The following PIK3CB variants were observed in gnomAD, a reference collection of about 807,000 sequenced individuals.
PIK3CB encodes the protein phosphatidylinositol-4,5-bisphosphate 3-kinase catalytic subunit beta.
Under a neutral mutation model 136.8 loss-of-function variants are expected in PIK3CB, and 39 were observed. The observed-to-expected ratio is 0.29, with a 90% CI of 0.22 to 0.37. The LOEUF (loss-of-function observed/expected upper bound fraction) is 0.37. Ranked by LOEUF, PIK3CB falls within the 10% of genes least tolerant of loss-of-function variation. The pLI is 1.00. For synonymous variants in PIK3CB, 428 were observed against 436.6 expected (o/e 0.98, Z 0.25); for missense variants, 868 against 1,275.4 (o/e 0.68, Z 4.87).
At chr3:138,776,487 G>A (rs769505881) in intron 2 of PIK3CB, among the ~76,000 whole-genome samples, 1 of 151,732 alleles carries the variant, frequency 6.6e-6, no homozygotes, top group Admixed American at 6.6e-5. Context: ...CCAGAAGTTC[G>A]AAACCAGCCT....
chr3:138,701,207 A>T (rs2044244696), intron 12 of PIK3CB, among the ~76,000 whole-genome samples: 1 of 151,522 alleles, frequency 6.6e-6, no homozygotes, highest in Non-Finnish European at 1.5e-5. Context: ...GTCAGTCATT[A>T]AAGATTAAAA....
intron 8 of PIK3CB, among the ~76,000 whole-genome samples, chr3:138,716,186 CACTAGGAATTTATATCTGAACACATG>C (rs1166918792): frequency 6.6e-6 from 1 of 152,112 alleles, no homozygotes; most frequent in African/African-American, 2.4e-5. Context: ...ATCCTCAGGT[CACTAGGAATTTATATCTGAACACATG>C]ACCTAATTCC....
At chr3:138,671,312 A>G (rs2043527721) in intron 19 of PIK3CB, among the ~76,000 whole-genome samples, 1 of 152,218 alleles carries the variant, frequency 6.6e-6, no homozygotes. Context: ...ATATATACAC[A>G]TATGTTTCAT....
At position 138,654,641 on chromosome 3, in the gene PIK3CB, G is replaced by T. The variant is rs1489767891; in HGVS notation, c.*748C>A. On this transcript the variant is annotated 3_prime_UTR_variant, in exon 24 of 24. Transcript: ENST00000674063. Reference sequence around the variant, plus strand: ...GATCACACAGTTACCTAACTGAAAAGTAACTTAGGAAAAAGCTCTGCTTTT... The same window carrying T: ...GATCACACAGTTACCTAACTGAAAATTAACTTAGGAAAAAGCTCTGCTTTT... 4.4e-6 allele frequency: 1 copy of T among 224,832 alleles called. No individual in the cohort carries two copies. The highest frequency in any genetic ancestry group is 8.9e-6 in the Non-Finnish European group (1 of 112,914). The allele number at this position is 224,832 out of a possible 1,614,324, so 13.9% of individuals were successfully genotyped here.
chr3:138,810,433 G>A (rs1186007179), intron 1 of PIK3CB, among the ~76,000 whole-genome samples: 4 of 151,800 alleles, frequency 2.6e-5, no homozygotes, highest in East Asian at 1.9e-4. Flanking sequence ...CATCAACAAC[G>A]ATAATTCATT....
chr3:138,698,823 A>G (rs1007896590), intron 13 of PIK3CB, 84 bp downstream of exon 13: 22 of 759,964 alleles, frequency 2.9e-5, no homozygotes, highest in African/African-American at 5.3e-5. Flanking sequence ...CTATGAAAAT[A>G]TACCTATGAG....
At chr3:138,676,540 C>T (rs973900197) in intron 19 of PIK3CB, among the ~76,000 whole-genome samples, 2 of 152,142 alleles carry the variant, frequency 1.3e-5, no homozygotes, top group African/African-American at 2.4e-5. Flanking sequence ...TAACTGTGTA[C>T]ATTTATCTAT....
chr3:138,820,493 C>CTGTT (rs747473526), intron 1 of PIK3CB, among the ~76,000 whole-genome samples: 6 of 152,008 alleles, frequency 3.9e-5, no homozygotes, highest in Admixed American at 1.3e-4. Flanking sequence ...TTTCTTCATT[C>CTGTT]TGTTTGTTTG....
intron 1 of PIK3CB, chr3:138,826,222 G>A (rs758182519): frequency 1.4e-5 from 20 of 1,465,964 alleles, no homozygotes; most frequent in African/African-American, 2.8e-5. Context: ...TTTGCTGCTC[G>A]TGATATGAAA....
At position 138,657,417 on chromosome 3, in the gene PIK3CB, A is replaced by G. The variant is rs2043210880; in HGVS notation, c.2942+273T>C. On this transcript the variant is annotated intron_variant, in intron 22 of 23. Coordinates refer to ENST00000674063, the MANE Select transcript of PIK3CB (RefSeq NM_006219.3). ...CAGCATCTTCCTATCAACTGTCTTA[A>G]TAGTTTCAGAGAATGTTCTGAAACA... is the stretch of plus-strand genomic sequence containing the variant. 1.2e-5 allele frequency: 4 copies of G among 325,052 alleles called. No individual in the cohort carries two copies. In the South Asian group the frequency reaches 1.6e-4, roughly 13 times the overall value. The allele number at this position is 325,052 out of a possible 1,614,324, so 20.1% of individuals were successfully genotyped here. A position where few individuals can be genotyped will look rare whatever the true frequency, so the allele number is the denominator to read the frequency against.
chr3:138,722,101 A>T (rs189236549), intron 8 of PIK3CB, among the ~76,000 whole-genome samples: 2,587 of 150,462 alleles, frequency 0.017, 48 homozygotes, highest in Non-Finnish European at 0.024. Flanking sequence ...TATTATACAC[A>T]TACCTACTAG....
rs946677157 is a variant in PIK3CB, at chr3:138,653,637, C to G, written c.*1752G>C. 5 of 184,402 alleles carry G rather than the reference C, an allele frequency of 2.7e-5. No homozygotes were observed. The highest frequency in any genetic ancestry group is 1.2e-4 in the African/African-American group (5 of 42,624). 11.4% of individuals were successfully genotyped at this position (184,402 alleles called of 1,614,324 possible). A position where few individuals can be genotyped will look rare whatever the true frequency, so the allele number is the denominator to read the frequency against. ...CCTGGAAGTCTCAGTGAGTCTACACCAGCCCTGGAAATGAGGAATTCAGGG... is the reference window on the plus strand; with the variant it reads ...CCTGGAAGTCTCAGTGAGTCTACACGAGCCCTGGAAATGAGGAATTCAGGG... On this transcript the variant is annotated 3_prime_UTR_variant, in exon 24 of 24. Coordinates refer to ENST00000674063, the MANE Select transcript of PIK3CB (RefSeq NM_006219.3).
intron 12 of PIK3CB, 129 bp from the exon 13 acceptor site, chr3:138,699,224 A>T (rs1009830003): frequency 2.2e-4 from 7 of 31,150 alleles, no homozygotes; most frequent in African/African-American, 5.7e-4. Context: ...ATAATTCCAT[A>T]AAAAAAAAAA....
intron 19 of PIK3CB, among the ~76,000 whole-genome samples, chr3:138,667,545 T>A (rs988339920): frequency 2.4e-4 from 37 of 151,836 alleles, no homozygotes; most frequent in East Asian, 1.4e-3. Context: ...TATGCTTTTT[T>A]ATTTATTTTT....
intron 15 of PIK3CB, among the ~76,000 whole-genome samples, chr3:138,690,323 A>G (rs570266219): frequency 2.0e-4 from 30 of 152,078 alleles, no homozygotes; most frequent in African/African-American, 6.7e-4. Flanking sequence ...TCTGACAAGC[A>G]TTAGTTTCAG....
intron 10 of PIK3CB, among the ~76,000 whole-genome samples, chr3:138,709,769 AGTTG>A (rs1220988558): frequency 3.3e-5 from 5 of 152,148 alleles, no homozygotes; most frequent in African/African-American, 1.2e-4. Context: ...ATACTAGTCA[AGTTG>A]GTTGGTGATT....
At chr3:138,751,302 T>G (rs939183596) in intron 4 of PIK3CB, among the ~76,000 whole-genome samples, 1 of 151,598 alleles carries the variant, frequency 6.6e-6, no homozygotes, top group Admixed American at 6.6e-5. Context: ...ACTAGAAATA[T>G]AAAAAATTAG....
In PIK3CB at chr3:138,699,049, T is replaced by C; in HGVS notation, c.1628A>G (p.Asp543Gly). The change falls in exon 13 of 24, where the codon GAC (aspartate) becomes GGC (glycine). Residue 543 changes from aspartate to glycine, a missense_variant. Physicochemically the swap from Asp to Gly is moderately conservative, Grantham distance 94. Around this residue, in one of 4 missense-constraint regions of PIK3CB, gnomAD observed 612 missense variants for 801.1 expected, o/e 0.76. Coordinates refer to ENST00000674063, the MANE Select transcript of PIK3CB (RefSeq NM_006219.3). ...ACACAGTTGAGACAAGGGATCCCTG[T>C]CCAAGATTTCTTTCAATACAGGAAG... ...KFLPVLKEIL[D>G]RDPLSQLCEN... 1 of 1,595,936 alleles carries C rather than the reference T, an allele frequency of 6.3e-7. No homozygotes were observed. The highest frequency in any genetic ancestry group is 8.6e-7 in the Non-Finnish European group (1 of 1,167,664).
At chr3:138,738,248 T>C (rs763791693) in intron 5 of PIK3CB, among the ~76,000 whole-genome samples, 3 of 152,130 alleles carry the variant, frequency 2.0e-5, no homozygotes, top group Non-Finnish European at 4.4e-5. Context: ...CTTGGCTCAC[T>C]GCAACCTCTG....
Sources: gnomAD v4.1 joint callset for allele counts (sites outside exome capture counted in the v4.1 genomes callset) on GRCh38, gnomAD v4.1.1 for gene constraint, gnomAD v4.1.1 regional missense constraint, MANE v1.5 for transcripts, NCBI Gene and HGNC (gene_info 2026-07-23, HGNC 2026-07-21) for gene names.